Variants in VTI1A observed in about 807,000 individuals in gnomAD.
The protein encoded by VTI1A is vesicle transport through interaction with t-SNAREs 1A.
Under a neutral mutation model 34.9 loss-of-function variants are expected in VTI1A, and 22 were observed. The observed-to-expected ratio is 0.63, with a 90% CI of 0.45 to 0.90. The LOEUF (loss-of-function observed/expected upper bound fraction) is 0.90, where lower values mean the gene tolerates loss of function less well. Among genes scored for constraint, VTI1A ranks in the 40% least tolerant of loss-of-function variants. The pLI, the probability that VTI1A is intolerant of heterozygous loss-of-function variation, is 0.00. For missense variants in VTI1A, 268 were observed against 275.6 expected (o/e 0.97, Z 0.20); for synonymous variants, 87 against 97.3 (o/e 0.89, Z 0.62).
intron 7 of VTI1A, among the ~76,000 whole-genome samples, chr10:112,751,204 A>T (rs1203316590): frequency 6.6e-6 from 1 of 152,162 alleles, no homozygotes; most frequent in Non-Finnish European, 1.5e-5. Context: ...AAGAATTACG[A>T]CTGTGGTAAG....
chr10:112,768,489 A>G (rs925924200), intron 7 of VTI1A, among the ~76,000 whole-genome samples: 1 of 152,202 alleles, frequency 6.6e-6, no homozygotes, highest in African/African-American at 2.4e-5. Context: ...ATGATCGTCT[A>G]CCAGTTTCAC....
chr10:112,811,588 G>C (rs1033395454), intron 7 of VTI1A, among the ~76,000 whole-genome samples: 2 of 151,490 alleles, frequency 1.3e-5, no homozygotes, highest in African/African-American at 4.9e-5. Flanking sequence ...GGAGGCTGAG[G>C]CGGGAGAATG....
At chr10:112,675,516 G>A (rs946640050) in intron 7 of VTI1A, among the ~76,000 whole-genome samples, 1 of 152,178 alleles carries the variant, frequency 6.6e-6, no homozygotes, top group Non-Finnish European at 1.5e-5. Flanking sequence ...TGCAGCTACT[G>A]TATGCCACAG....
intron 3 of VTI1A, among the ~76,000 whole-genome samples, chr10:112,486,344 A>C (rs1383651427): frequency 6.6e-6 from 1 of 152,218 alleles, no homozygotes. Flanking sequence ...TGTAAAATGG[A>C]AATAATGATA....
chr10:112,656,112 G>A (rs1315246510), intron 5 of VTI1A, among the ~76,000 whole-genome samples: 1 of 152,194 alleles, frequency 6.6e-6, no homozygotes, highest in Non-Finnish European at 1.5e-5. Flanking sequence ...AGGTCCCGGT[G>A]CCATAGGTCC....
At chr10:112,828,381 C>A in the VTI1A span, among the ~76,000 whole-genome samples, 1 of 151,952 alleles carries the variant, frequency 6.6e-6, no homozygotes, top group Non-Finnish European at 1.5e-5. Flanking sequence ...TTAAAAAATT[C>A]ATTTTAAAAA....
chr10:112,756,385 G>A (rs1000611802), intron 7 of VTI1A, among the ~76,000 whole-genome samples: 6 of 152,110 alleles, frequency 3.9e-5, no homozygotes, highest in South Asian at 2.1e-4. Context: ...TCAGTTCCAC[G>A]CAGCATTTAC....
intron 5 of VTI1A, among the ~76,000 whole-genome samples, chr10:112,634,926 C>T (rs1846288653): frequency 6.6e-6 from 1 of 152,178 alleles, no homozygotes; most frequent in Admixed American, 6.5e-5. Flanking sequence ...TAAATAAACT[C>T]TGGGGTTGAA....
intron 7 of VTI1A, among the ~76,000 whole-genome samples, chr10:112,697,865 CATGTGTGTGTGTGTGTGTGTGT>C (rs1369462509): frequency 1.6e-5 from 2 of 126,110 alleles, no homozygotes; most frequent in Non-Finnish European, 3.4e-5. Flanking sequence ...TTAGCATTTA[CATGTGTGTGTGTGTGTGTGTGT>C]GTGTGTGTGT....
At chr10:112,821,148 C>T (rs1416144667), downstream of VTI1A, among the ~76,000 whole-genome samples, 1 of 152,218 alleles carries the variant, frequency 6.6e-6, no homozygotes, top group Non-Finnish European at 1.5e-5. Context: ...GAGCTCTGGA[C>T]TGTGATTCCA....
intron 4 of VTI1A, among the ~76,000 whole-genome samples, chr10:112,531,646 C>T (rs1850446998): frequency 6.6e-6 from 1 of 152,150 alleles, no homozygotes; most frequent in African/African-American, 2.4e-5. Flanking sequence ...TTTTTAAACA[C>T]TCATTGATTA....
At chr10:112,556,549 T>G (rs1327812886) in intron 5 of VTI1A, among the ~76,000 whole-genome samples, 1 of 152,054 alleles carries the variant, frequency 6.6e-6, no homozygotes, top group East Asian at 1.9e-4. Flanking sequence ...AACCCATTAA[T>G]GCTCATTAAT....
In VTI1A at chr10:112,794,713, T is replaced by C. The variant is rs370545299; in HGVS notation, c.561-20577T>C. The stretch of plus-strand genomic sequence containing the variant: ...AATTCAGATCATACTATACGTACTA[T>C]TTGTAACCCTTGCTTTTTACATAAT... On this transcript the variant is annotated intron_variant, in intron 7 of 7. Transcript: ENST00000393077. Among the ~76,000 whole-genome samples the C allele has an allele frequency of 3.3e-5, 5 of 152,324 alleles. No individual in the cohort carries two copies. In the East Asian group the frequency reaches 9.6e-4, roughly 29 times the overall value.
chr10:112,524,721 A>T (rs1170258493), intron 3 of VTI1A, among the ~76,000 whole-genome samples: 1 of 152,142 alleles, frequency 6.6e-6, no homozygotes, highest in Non-Finnish European at 1.5e-5. Flanking sequence ...ATCTATGCCA[A>T]TTTGTTGGTA....
At chr10:112,485,502 A>T (rs941792787) in intron 3 of VTI1A, among the ~76,000 whole-genome samples, 4 of 152,232 alleles carry the variant, frequency 2.6e-5, no homozygotes, top group African/African-American at 9.6e-5. Context: ...TTATAGTGAC[A>T]TATGATTGTC....
At chr10:112,515,985 T>C (rs1849760664) in intron 3 of VTI1A, among the ~76,000 whole-genome samples, 1 of 152,144 alleles carries the variant, frequency 6.6e-6, no homozygotes, top group Non-Finnish European at 1.5e-5. Flanking sequence ...TGCTGTGTTT[T>C]GTTTTTGTTG....
intron 1 of VTI1A, among the ~76,000 whole-genome samples, chr10:112,453,286 C>T (rs1320342725): frequency 6.6e-6 from 1 of 152,140 alleles, no homozygotes; most frequent in Non-Finnish European, 1.5e-5. Flanking sequence ...ACCTTTATCA[C>T]GTGGCTGAGG....
At chr10:112,536,763 C>G (rs987585062) in intron 4 of VTI1A, among the ~76,000 whole-genome samples, 4 of 150,518 alleles carry the variant, frequency 2.7e-5, no homozygotes, top group Non-Finnish European at 5.9e-5. Flanking sequence ...CCCTTCCCCC[C>G]AAAAAAATTT....
At chr10:112,581,096 C>T (rs1240134459) in intron 5 of VTI1A, among the ~76,000 whole-genome samples, 1 of 152,160 alleles carries the variant, frequency 6.6e-6, no homozygotes, top group Non-Finnish European at 1.5e-5. Flanking sequence ...GCTCCGCATG[C>T]CTTCTGGGTT....
Sources: gnomAD v4.1 joint callset for allele counts (sites outside exome capture counted in the v4.1 genomes callset) on GRCh38, gnomAD v4.1.1 for gene constraint, MANE v1.5 for transcripts, NCBI Gene and HGNC (gene_info 2026-07-23, HGNC 2026-07-21) for gene names.